Variants in LYPD6 observed in about 807,000 individuals in gnomAD.
LYPD6 encodes ly6/PLAUR domain-containing protein 6.
LYPD6 carries 15 observed loss-of-function variants against 22.7 expected under a neutral mutation model. The observed-to-expected ratio is 0.66, with a 90% CI of 0.44 to 1.02. The LOEUF (loss-of-function observed/expected upper bound fraction) is 1.02. Among genes scored for constraint, LYPD6 ranks in the 50% least tolerant of loss-of-function variants. LYPD6 has a pLI of 0.00. For missense variants in LYPD6, 189 were observed against 208.4 expected, an observed-to-expected ratio of 0.91 and a Z score of 0.57; for synonymous variants, 72 against 77.5, an observed-to-expected ratio of 0.93 and a Z score of 0.37.
At chr2:149,448,908 G>T in intron 2 of LYPD6, 141 bp from the exon 3 acceptor site, 2 of 603,086 alleles carry the variant, frequency 3.3e-6, no homozygotes, top group East Asian at 3.0e-5. Flanking sequence ...TAAAGTTGCT[G>T]GGTCATATGG....
At chr2:149,394,618 A>G (rs1306381158) in intron 1 of LYPD6, among the ~76,000 whole-genome samples, 3 of 151,942 alleles carry the variant, frequency 2.0e-5, no homozygotes, top group Non-Finnish European at 4.4e-5. Flanking sequence ...TTTGGTGCTC[A>G]TTCTTTCATA....
chr2:149,442,644 TAA>T (rs58308962), intron 2 of LYPD6, among the ~76,000 whole-genome samples: 1,904 of 140,916 alleles, frequency 0.014, 27 homozygotes, highest in African/African-American at 0.042. Flanking sequence ...TTCCGTCCTT[TAA>T]AAAAAAAAAA....
At chr2:149,353,646 A>G (rs954258167) in intron 1 of LYPD6, among the ~76,000 whole-genome samples, 1 of 152,198 alleles carries the variant, frequency 6.6e-6, no homozygotes, top group African/African-American at 2.4e-5. Flanking sequence ...GAAATTTTAA[A>G]GATGAATTAC....
chr2:149,405,711 G>A (rs1255608607), intron 1 of LYPD6, among the ~76,000 whole-genome samples: 5 of 151,856 alleles, frequency 3.3e-5, no homozygotes, highest in African/African-American at 1.2e-4. Context: ...TTGTTTGAAG[G>A]GTTTTTTGTG....
intron 1 of LYPD6, among the ~76,000 whole-genome samples, chr2:149,404,573 A>G (rs1305542154): frequency 1.3e-5 from 2 of 152,152 alleles, no homozygotes; most frequent in African/African-American, 2.4e-5. Context: ...TGATTTTTGC[A>G]CATTGATTTT....
intron 3 of LYPD6, 112 bp from the exon 4 acceptor site, chr2:149,468,532 CT>C: frequency 8.2e-7 from 1 of 1,221,684 alleles, no homozygotes; most frequent in Non-Finnish European, 1.2e-6. Context: ...CAGTGCACAT[CT>C]TATGTGCTAT....
At chr2:149,459,795 G>C (rs899593115) in intron 3 of LYPD6, among the ~76,000 whole-genome samples, 1 of 151,826 alleles carries the variant, frequency 6.6e-6, no homozygotes, top group Non-Finnish European at 1.5e-5. Context: ...CCAGCTACTC[G>C]GGAGGCTGAG....
downstream of LYPD6, among the ~76,000 whole-genome samples, chr2:149,475,381 C>T (rs1040712101): frequency 3.9e-5 from 6 of 152,110 alleles, no homozygotes; most frequent in Non-Finnish European, 8.8e-5. Flanking sequence ...AGCATCATGA[C>T]TTCACCTTGG....
At chr2:149,393,886 A>G (rs1199096073) in intron 1 of LYPD6, among the ~76,000 whole-genome samples, 1 of 152,206 alleles carries the variant, frequency 6.6e-6, no homozygotes, top group Non-Finnish European at 1.5e-5. Context: ...CCAAAAAGAT[A>G]GGGCAGTGAC....
At chr2:149,461,297 G>A (rs1573826915) in intron 3 of LYPD6, among the ~76,000 whole-genome samples, 1 of 151,872 alleles carries the variant, frequency 6.6e-6, no homozygotes, top group Admixed American at 6.6e-5. Context: ...AGTTTGACAA[G>A]TTAGATGAAA....
intron 1 of LYPD6, among the ~76,000 whole-genome samples, chr2:149,363,196 G>A (rs1681602276): frequency 6.6e-6 from 1 of 152,152 alleles, no homozygotes; most frequent in South Asian, 2.1e-4. Flanking sequence ...TGGGCTTAGT[G>A]TATTTGCATC....
At chr2:149,464,828 G>A (rs1423930142) in intron 3 of LYPD6, among the ~76,000 whole-genome samples, 1 of 152,156 alleles carries the variant, frequency 6.6e-6, no homozygotes, top group Non-Finnish European at 1.5e-5. Flanking sequence ...CCCAGATTAG[G>A]GAGAAAAGTC....
At chr2:149,424,120 CAT>C (rs35416806) in intron 1 of LYPD6, among the ~76,000 whole-genome samples, 42,355 of 151,882 alleles carry the variant, frequency 0.28, 7,375 homozygotes, top group African/African-American at 0.5. Flanking sequence ...CATGCGTACA[CAT>C]GTCAATATGC....
intron 2 of LYPD6, among the ~76,000 whole-genome samples, chr2:149,446,964 A>G (rs1683703361): frequency 6.6e-6 from 1 of 152,176 alleles, no homozygotes; most frequent in African/African-American, 2.4e-5. Context: ...GGGCAGAGCA[A>G]TTTACCCTGA....
intron 1 of LYPD6, among the ~76,000 whole-genome samples, chr2:149,356,378 A>G (rs1681449432): frequency 6.6e-6 from 1 of 152,208 alleles, no homozygotes; most frequent in African/African-American, 2.4e-5. Flanking sequence ...TCTATGTATT[A>G]GTAAAAGAAA....
intron 1 of LYPD6, among the ~76,000 whole-genome samples, chr2:149,415,283 C>T (rs1318571735): frequency 6.6e-6 from 1 of 152,186 alleles, no homozygotes; most frequent in East Asian, 1.9e-4. Flanking sequence ...AATCAACTCT[C>T]GTCCTTAGAC....
At position 149,381,713 on chromosome 2, in the gene LYPD6, TG is replaced by T. The variant is rs1267578246; in HGVS notation, c.-72+50992del. On this transcript the variant is annotated intron_variant, in intron 1 of 4. Coordinates refer to ENST00000334166, the MANE Select transcript of LYPD6 (RefSeq NM_194317.5). ...CAGTAGATTTTTATTAACCTACATTTGTCAATGCTTTTCCATTTACCAAGTG... is the reference window on the plus strand; with the variant it reads ...CAGTAGATTTTTATTAACCTACATTTTCAATGCTTTTCCATTTACCAAGTG... 3.3e-5 allele frequency among the ~76,000 whole-genome samples: 5 copies of T among 152,334 alleles called. No individual in the cohort carries two copies. The East Asian group carries it at 9.6e-4, about 29-fold the overall frequency.
At chr2:149,483,949 G>T in the LYPD6 span, among the ~76,000 whole-genome samples, 2 of 152,178 alleles carry the variant, frequency 1.3e-5, no homozygotes, top group African/African-American at 4.8e-5. Context: ...GGATCAGCAG[G>T]CTAGGTCTCA....
chr2:149,345,472 A>ATTT lies in LYPD6; in HGVS notation c.-72+14763_-72+14765dup, dbSNP rs60780602. On this transcript the variant is annotated intron_variant, in intron 1 of 4. Coordinates refer to ENST00000334166, the MANE Select transcript of LYPD6 (RefSeq NM_194317.5). ...CAGGCACCTGCCACCACACCTGGCT[A>ATTT]TTTTTTTTTTTTTTTGTATTTTTTA... Among the ~76,000 whole-genome samples the ATTT allele has an allele frequency of 2.2e-4, 30 of 133,764 alleles. 1 individual carries two copies. The highest frequency in any genetic ancestry group is 8.1e-4 in the African/African-American group (29 of 35,986). 87.8% of individuals were successfully genotyped at this position (133,764 alleles called of 152,430 possible). A position where few individuals can be genotyped will look rare whatever the true frequency, so the allele number is the denominator to read the frequency against.
Sources: gnomAD v4.1 joint callset for allele counts (sites outside exome capture counted in the v4.1 genomes callset) on GRCh38, gnomAD v4.1.1 for gene constraint, MANE v1.5 for transcripts, NCBI Gene and HGNC (gene_info 2026-07-23, HGNC 2026-07-21) for gene names.